Variants in VPS50 observed in about 807,000 individuals in gnomAD.
VPS50 encodes syndetin.
In VPS50, 70 loss-of-function variants were observed where a neutral mutation model predicts 139.7. That is an observed-to-expected ratio of 0.50 (90% CI 0.41 to 0.61). The LOEUF is 0.61. Among genes scored for constraint, VPS50 ranks in the 20% least tolerant of loss-of-function variants. The pLI, the probability that VPS50 is intolerant of heterozygous loss-of-function variation, is 0.00. For synonymous variants in VPS50, 365 were observed against 376.7 expected (o/e 0.97, Z 0.36); for missense variants, 921 against 1,133.7 (o/e 0.81, Z 2.69).
At chr7:93,354,058 T>G (rs887825256) in intron 26 of VPS50, among the ~76,000 whole-genome samples, 2 of 152,186 alleles carry the variant, frequency 1.3e-5, no homozygotes, top group South Asian at 4.1e-4. Context: ...TGGTGATGAT[T>G]GTTATACCTA....
chr7:93,322,046 G>C (rs1469456412), intron 20 of VPS50, among the ~76,000 whole-genome samples: 1 of 151,662 alleles, frequency 6.6e-6, no homozygotes, highest in Admixed American at 6.6e-5. Context: ...TGAAATAATT[G>C]CAAAGGATGA....
chr7:93,341,610 T>C (rs1196733889), intron 23 of VPS50, 35 bp downstream of exon 23: 1 of 1,483,158 alleles, frequency 6.7e-7, no homozygotes, highest in Admixed American at 2.1e-5. Context: ...TGCCATTAAA[T>C]ATTTAAGAAA....
At chr7:93,344,429 G>A (rs1798324882) in intron 23 of VPS50, among the ~76,000 whole-genome samples, 1 of 152,114 alleles carries the variant, frequency 6.6e-6, no homozygotes, top group Non-Finnish European at 1.5e-5. Flanking sequence ...CAACGAGACA[G>A]AAAGTTAACA....
chr7:93,243,733 G>A (rs1795065454), intron 2 of VPS50, among the ~76,000 whole-genome samples: 1 of 151,908 alleles, frequency 6.6e-6, no homozygotes, highest in African/African-American at 2.4e-5. Context: ...ATATATGATA[G>A]TAGAGCCACA....
intron 12 of VPS50, among the ~76,000 whole-genome samples, chr7:93,277,239 A>G (rs1175418017): frequency 7.9e-5 from 12 of 152,162 alleles, no homozygotes; most frequent in Non-Finnish European, 1.8e-4. Context: ...CATTTCAAGA[A>G]GAATGGAACC....
At position 93,353,753 on chromosome 7, in the gene VPS50, T is replaced by C; in HGVS notation, c.2577T>C (p.Ile859=). Residue 859 remains isoleucine, a synonymous_variant, in exon 26 of 28, where the codon ATT becomes ATC. Coordinates refer to ENST00000305866, the MANE Select transcript of VPS50 (RefSeq NM_017667.4). ...GTATACGATTGGCTAATCGAACTAT[T>C]GTAGAAGGGTAAGTTTTTCATGAAA... ...EHCIRLANRT[I]VEGYANVKKC... The C allele has an allele frequency of 6.2e-7, 1 of 1,600,314 alleles. No homozygotes were observed. Among genetic ancestry groups the C allele is most frequent in the Non-Finnish European group, 8.5e-7 (1 of 1,174,678 alleles).
intron 12 of VPS50, among the ~76,000 whole-genome samples, chr7:93,281,970 T>G (rs1349432022): frequency 6.6e-6 from 1 of 152,144 alleles, no homozygotes; most frequent in Non-Finnish European, 1.5e-5. Flanking sequence ...TTTGGGAGGC[T>G]GAGGCGGGTG....
At chr7:93,356,277 C>G in intron 27 of VPS50, 197 bp downstream of exon 27, 1 of 310,096 alleles carries the variant, frequency 3.2e-6, no homozygotes, top group Non-Finnish European at 5.9e-6. Context: ...TTTGACTCAT[C>G]AAATCTTTTT....
At chr7:93,348,842 A>ACAGTCCTATCTTCCTCACAGTT in intron 24 of VPS50, 35 bp downstream of exon 24, 1 of 1,335,884 alleles carries the variant, frequency 7.5e-7, no homozygotes, top group Non-Finnish European at 1.1e-6. Context: ...TTCAACTGTG[A>ACAGTCCTATCTTCCTCACAGTT]GGAAGATAGG....
intron 2 of VPS50, 104 bp downstream of exon 2, chr7:93,240,038 A>C: frequency 4.1e-6 from 3 of 724,704 alleles, no homozygotes; most frequent in Non-Finnish European, 7.3e-6. Context: ...CCACAGGCAG[A>C]TGGTTGTTAA....
intron 23 of VPS50, among the ~76,000 whole-genome samples, chr7:93,348,092 A>AAT (rs1315772540): frequency 6.6e-6 from 1 of 152,226 alleles, no homozygotes; most frequent in African/African-American, 2.4e-5. Context: ...AATGTAGTCC[A>AAT]ATATAACATA....
At chr7:93,310,345 C>T (rs1453394075) in intron 19 of VPS50, among the ~76,000 whole-genome samples, 2 of 151,980 alleles carry the variant, frequency 1.3e-5, no homozygotes, top group Non-Finnish European at 2.9e-5. Context: ...TATTTTACCA[C>T]TACCATTCTA....
rs1562879676 is a variant in VPS50, at chr7:93,308,864, A to ATGACAG, written c.1680_1685dup (p.Ser561_Asp562dup). The ATGACAG allele has an allele frequency of 6.2e-7, 1 of 1,607,556 alleles. No homozygotes were observed. Among genetic ancestry groups the ATGACAG allele is most frequent in the Non-Finnish European group, 8.5e-7 (1 of 1,174,692 alleles). ...CAAGAAAAGAGTGCCTATCAAGAGT[A>ATGACAG]TGACAGTGACAGTGATGTTCCTGAG... On this transcript the variant is annotated inframe_insertion, in exon 19 of 28. Coordinates refer to ENST00000305866, the MANE Select transcript of VPS50 (RefSeq NM_017667.4).
chr7:93,257,704 C>T, intron 6 of VPS50: 1 of 324,338 alleles, frequency 3.1e-6, no homozygotes, highest in Non-Finnish European at 5.5e-6. Context: ...TAGTGCTTCA[C>T]AAACTGTTTG....
chr7:93,298,080 A>T (rs1191171076), intron 16 of VPS50, among the ~76,000 whole-genome samples: 1 of 152,120 alleles, frequency 6.6e-6, no homozygotes, highest in East Asian at 1.9e-4. Flanking sequence ...GTCAAAAGAG[A>T]GATGACTGAA....
intron 26 of VPS50, 26 bp from the exon 27 acceptor site, chr7:93,355,865 T>A (rs1209305067): frequency 4.8e-6 from 6 of 1,257,748 alleles, no homozygotes; most frequent in Non-Finnish European, 6.5e-6. Flanking sequence ...CTATAATGTA[T>A]TTTTTTTTAT....
chr7:93,352,922 A>T (rs1304881058), intron 25 of VPS50, among the ~76,000 whole-genome samples: 2 of 152,132 alleles, frequency 1.3e-5, no homozygotes, highest in Non-Finnish European at 2.9e-5. Flanking sequence ...GAGCATCCCA[A>T]ATTCGAAAAT....
intron 9 of VPS50, among the ~76,000 whole-genome samples, chr7:93,269,787 A>G (rs1795951150): frequency 1.3e-5 from 2 of 152,072 alleles, no homozygotes; most frequent in East Asian, 3.9e-4. Flanking sequence ...AATGCAAACA[A>G]AAGTGATTTT....
intron 12 of VPS50, among the ~76,000 whole-genome samples, chr7:93,287,982 T>C (rs1222732569): frequency 6.6e-6 from 1 of 151,932 alleles, no homozygotes; most frequent in Non-Finnish European, 1.5e-5. Flanking sequence ...ACGATAGAGG[T>C]TTAATTGACT....
Sources: allele counts gnomAD v4.1 joint callset (sites outside exome capture counted in the v4.1 genomes callset), GRCh38; gene constraint gnomAD v4.1.1; transcripts MANE v1.5; gene names NCBI Gene and HGNC (gene_info 2026-07-23, HGNC 2026-07-21).